The following FAM222A variants were observed in gnomAD, a reference collection of about 807,000 sequenced individuals.
FAM222A encodes protein FAM222A.
A neutral mutation model predicts 25.8 loss-of-function variants in FAM222A; 7 were observed. The ratio of observed to expected loss-of-function variants is 0.27; its 90% CI spans 0.15 to 0.51. The LOEUF is 0.51. FAM222A is among the 20% of genes least tolerant of loss of function. The probability of loss-of-function intolerance (pLI) is 0.97; values close to 1 mark genes in which losing one functional copy is unlikely to be tolerated. For synonymous variants in FAM222A, 294 were observed against 298.8 expected, an observed-to-expected ratio of 0.98 and a Z score of 0.17; for missense variants, 573 against 640.5, an observed-to-expected ratio of 0.89 and a Z score of 1.14.
intron 1 of FAM222A, among the ~76,000 whole-genome samples, chr12:109,738,859 G>T (rs776019856): frequency 1.3e-5 from 2 of 152,226 alleles, no homozygotes; most frequent in Non-Finnish European, 2.9e-5. Context: ...TCCCCATAAA[G>T]GTTCATTTGG....
rs1284168929 is a variant in FAM222A, at chr12:109,723,242, C to A, written c.-47+8345C>A. 3.9e-5 allele frequency among the ~76,000 whole-genome samples: 6 copies of A among 152,182 alleles called. No homozygotes were observed. In the East Asian group the frequency reaches 5.8e-4, roughly 15 times the overall value. ...TTCCCAAATGTGGGCAGCAGAAGCG[C>A]AGGCCCTTGAGATATTCTTAGTATT... On this transcript the variant is annotated intron_variant, in intron 1 of 2. Transcript: ENST00000538780.
intron 1 of FAM222A, among the ~76,000 whole-genome samples, chr12:109,721,064 A>T (rs1887737025): frequency 6.6e-6 from 1 of 152,182 alleles, no homozygotes; most frequent in African/African-American, 2.4e-5. Context: ...TGCCAGACTG[A>T]GTTTCCTACT....
At chr12:109,733,938 C>A (rs112375649) in intron 1 of FAM222A, among the ~76,000 whole-genome samples, 1 of 152,084 alleles carries the variant, frequency 6.6e-6, no homozygotes, top group East Asian at 1.9e-4. Flanking sequence ...GGAAGACTGG[C>A]GGGATGGCTC....
chr12:109,733,271 G>T (rs1887991111), intron 1 of FAM222A, among the ~76,000 whole-genome samples: 1 of 152,134 alleles, frequency 6.6e-6, no homozygotes, highest in South Asian at 2.1e-4. Flanking sequence ...AATACCTCAG[G>T]AATTTTTAAA....
intron 2 of FAM222A, among the ~76,000 whole-genome samples, chr12:109,747,892 T>G (rs1457825451): frequency 1.1e-4 from 16 of 152,256 alleles, no homozygotes; most frequent in Admixed American, 9.8e-4. Flanking sequence ...TTTTATACCT[T>G]AATTTCTTTA....
intron 1 of FAM222A, among the ~76,000 whole-genome samples, chr12:109,742,357 C>T (rs912928197): frequency 2.6e-5 from 4 of 152,252 alleles, no homozygotes; most frequent in Admixed American, 6.5e-5. Context: ...TTCCAAGTCC[C>T]CGAGGAGAGG....
intron 2 of FAM222A, among the ~76,000 whole-genome samples, chr12:109,758,502 C>T (rs1334259392): frequency 6.6e-6 from 1 of 152,152 alleles, no homozygotes; most frequent in African/African-American, 2.4e-5. Flanking sequence ...CAGGGGCCCT[C>T]AGGCTACCAC....
In FAM222A at chr12:109,768,444, T is replaced by A; in HGVS notation, c.515T>A (p.Leu172Gln). The A allele has an allele frequency of 1.3e-6, 2 of 1,599,748 alleles. No individual in the cohort carries two copies. Among genetic ancestry groups the A allele is most frequent in the Non-Finnish European group, 8.5e-7 (1 of 1,178,778 alleles). ...GAGGCGCCTGCTCCACCACCCGGCC[T>A]GCCCGCAGCCGCCACTGCCGCCTCC... ...PPEAPAPPPG[L>Q]PAAATAASVI... Residue 172 changes from leucine (L) to glutamine (Q), a missense_variant, in exon 3 of 3, where the codon CTG becomes CAG. Leu to Gln is a moderately radical substitution (Grantham distance 113, BLOSUM62 -2). Around this residue, in one of 3 missense-constraint regions of FAM222A, gnomAD observed 412 missense variants for 407.0 expected, o/e 1.01. Coordinates refer to ENST00000538780, the MANE Select transcript of FAM222A (RefSeq NM_032829.3).
At chr12:109,734,403 C>G (rs965314583) in intron 1 of FAM222A, 1 of 151,818 alleles carries the variant, frequency 6.6e-6, no homozygotes, top group Non-Finnish European at 1.5e-5. Context: ...TTGGCTCCAC[C>G]GGATCCGGCT....
At chr12:109,756,014 A>C (rs1439633387) in intron 2 of FAM222A, among the ~76,000 whole-genome samples, 6 of 152,232 alleles carry the variant, frequency 3.9e-5, no homozygotes, top group Admixed American at 2.0e-4. Flanking sequence ...TGAGGTTTTG[A>C]TAGAGATTTG....
chr12:109,720,377 G>C lies in FAM222A; in HGVS notation c.-47+5480G>C, dbSNP rs1025606617. 2.1e-4 allele frequency among the ~76,000 whole-genome samples: 32 copies of C among 152,258 alleles called. 1 individual carries two copies. Among genetic ancestry groups the C allele is most frequent in the Non-Finnish European group, 1.2e-4 (8 of 68,034 alleles). Reference sequence around the variant, plus strand: ...GAGGAGGGAGGTCCAGCCACCAGCTGTCTGCTCCAGGATTCGCTGCCAGGG... The same window carrying C: ...GAGGAGGGAGGTCCAGCCACCAGCTCTCTGCTCCAGGATTCGCTGCCAGGG... On this transcript the variant is annotated intron_variant, in intron 1 of 2. Coordinates refer to ENST00000538780, the MANE Select transcript of FAM222A (RefSeq NM_032829.3).
chr12:109,764,474 G>A (rs956993740), intron 2 of FAM222A, among the ~76,000 whole-genome samples: 6 of 152,108 alleles, frequency 3.9e-5, no homozygotes, highest in African/African-American at 1.4e-4. Context: ...GATAGATTTT[G>A]TAGATTTAAT....
At position 109,740,120 on chromosome 12, in the gene FAM222A, C is replaced by T. The variant is rs543072707; in HGVS notation, c.-46-3981C>T. On this transcript the variant is annotated intron_variant, in intron 1 of 2. Transcript: ENST00000538780. ...AGACAGCCTCCTCCCATTCATTGTT[C>T]TGCTAAGGCGAGCATCACAGACTCA... Among the ~76,000 whole-genome samples the T allele has an allele frequency of 5.1e-4, 78 of 152,350 alleles. 1 individual carries two copies. The South Asian group carries it at 0.014, about 28-fold the overall frequency.
At chr12:109,767,356 C>T (rs1444285806) in intron 2 of FAM222A, among the ~76,000 whole-genome samples, 2 of 151,978 alleles carry the variant, frequency 1.3e-5, no homozygotes, top group Non-Finnish European at 2.9e-5. Context: ...GGCGCAACCC[C>T]GTCTCTGCAA....
At chr12:109,743,820 A>G (rs1228008629) in intron 1 of FAM222A, 1 of 984,246 alleles carries the variant, frequency 1.0e-6, no homozygotes, top group Non-Finnish European at 1.2e-6. Flanking sequence ...GGCAGGCCCC[A>G]GAGCAGATGA....
At chr12:109,731,716 G>T (rs1388160848) in intron 1 of FAM222A, among the ~76,000 whole-genome samples, 2 of 152,128 alleles carry the variant, frequency 1.3e-5, no homozygotes, top group Non-Finnish European at 2.9e-5. Context: ...CTCTAGCCCT[G>T]CCCCTCTGCC....
chr12:109,755,290 T>C (rs1481740570), intron 2 of FAM222A, among the ~76,000 whole-genome samples: 44 of 4,466 alleles, frequency 9.9e-3, no homozygotes, highest in East Asian at 0.025. Flanking sequence ...AATTCTTCTT[T>C]TTTTTTTTTT....
At position 109,744,012 on chromosome 12, in the gene FAM222A, G is replaced by A. The variant is rs1033416900; in HGVS notation, c.-46-89G>A. ...GCTTTGAGAGTCTCTGATGTTCTTC[G>A]GGGTTGCAGGGAGACTCCCGGGGGG... On this transcript the variant is annotated intron_variant, in intron 1 of 2. Transcript: ENST00000538780. The A allele has an allele frequency of 3.3e-5, 48 of 1,433,182 alleles. 1 individual carries two copies. The South Asian group carries it at 4.4e-4, about 13-fold the overall frequency. The allele number at this position is 1,433,182 out of a possible 1,614,324, so 88.8% of individuals were successfully genotyped here. A position where few individuals can be genotyped will look rare whatever the true frequency, so the allele number is the denominator to read the frequency against.
Position 109,751,563 on chromosome 12 carries a change from C to T in FAM222A, c.82+7335C>T, listed in dbSNP as rs1414207795. 2.6e-5 allele frequency among the ~76,000 whole-genome samples: 4 copies of T among 152,208 alleles called. No homozygotes were observed. In the East Asian group the frequency reaches 7.7e-4, roughly 29 times the overall value. On this transcript the variant is annotated intron_variant, in intron 2 of 2. Coordinates refer to ENST00000538780, the MANE Select transcript of FAM222A (RefSeq NM_032829.3). ...GGAAAAGCCAGGGCCATGTCCTGAG[C>T]TAACTAAAAATTTCCATACAACCCA...
Sources: gnomAD v4.1 joint callset for allele counts (sites outside exome capture counted in the v4.1 genomes callset) on GRCh38, gnomAD v4.1.1 for gene constraint, gnomAD v4.1.1 regional missense constraint, MANE v1.5 for transcripts, NCBI Gene and HGNC (gene_info 2026-07-23, HGNC 2026-07-21) for gene names.